The following FAM117B variants were observed in gnomAD, a reference collection of about 807,000 sequenced individuals.
FAM117B encodes the protein protein FAM117B.
In FAM117B, 22 loss-of-function variants were observed where a neutral mutation model predicts 52.8. The observed-to-expected ratio is 0.42, with a 90% CI of 0.30 to 0.59. FAM117B has a LOEUF of 0.59. FAM117B is among the 20% of genes least tolerant of loss of function. FAM117B has a pLI of 0.22. For missense variants in FAM117B, 678 were observed against 802.6 expected (o/e 0.84, Z 1.88); for synonymous variants, 309 against 324.1 (o/e 0.95, Z 0.50).
In FAM117B at chr2:202,695,819, T is replaced by G. The variant is rs1350537256; in HGVS notation, c.602-62T>G. On this transcript the variant is annotated intron_variant, in intron 1 of 7. Coordinates refer to ENST00000392238, the MANE Select transcript of FAM117B (RefSeq NM_173511.4). ...GAGAACTTTCTACATAGTTTAAAACTTAGTTTCTGCTTTGTTTCTTTCCTA... is the reference window on the plus strand; with the variant it reads ...GAGAACTTTCTACATAGTTTAAAACGTAGTTTCTGCTTTGTTTCTTTCCTA... 8 of 1,506,984 alleles carry G rather than the reference T, an allele frequency of 5.3e-6. No individual in the cohort carries two copies. In the East Asian group the frequency reaches 1.7e-4, roughly 32 times the overall value. The allele number at this position is 1,506,984 out of a possible 1,614,324, so 93.4% of individuals were successfully genotyped here. A position where few individuals can be genotyped will look rare whatever the true frequency, so the allele number is the denominator to read the frequency against.
chr2:202,671,045 TTC>T (rs1162590985), intron 1 of FAM117B, among the ~76,000 whole-genome samples: 3 of 152,228 alleles, frequency 2.0e-5, no homozygotes, highest in African/African-American at 7.2e-5. Context: ...AATTGTGATC[TTC>T]AGTTTCATAT....
At chr2:202,685,117 G>A (rs1209901075) in intron 1 of FAM117B, among the ~76,000 whole-genome samples, 4 of 151,906 alleles carry the variant, frequency 2.6e-5, no homozygotes, top group African/African-American at 9.7e-5. Context: ...CGAGTAGCTG[G>A]GATTACAGGT....
At chr2:202,642,610 G>A (rs1048576557) in intron 1 of FAM117B, among the ~76,000 whole-genome samples, 6 of 152,054 alleles carry the variant, frequency 3.9e-5, no homozygotes, top group Admixed American at 1.3e-4. Context: ...GGATGTATTT[G>A]GTTTGTGCTC....
At chr2:202,658,105 A>C (rs1286107041) in intron 1 of FAM117B, among the ~76,000 whole-genome samples, 2 of 152,156 alleles carry the variant, frequency 1.3e-5, no homozygotes, top group Admixed American at 6.6e-5. Context: ...TTCAACAGTC[A>C]TACCTATTTT....
At chr2:202,701,888 T>C (rs916126048) in intron 2 of FAM117B, among the ~76,000 whole-genome samples, 7 of 152,324 alleles carry the variant, frequency 4.6e-5, no homozygotes, top group Admixed American at 4.6e-4. Flanking sequence ...ATGTGGTGAA[T>C]ATTGTTGAAA....
chr2:202,707,320 G>T (rs1690886814), intron 2 of FAM117B, among the ~76,000 whole-genome samples: 1 of 152,000 alleles, frequency 6.6e-6, no homozygotes, highest in African/African-American at 2.4e-5. Context: ...AAAGTGTTGG[G>T]ATTACAGGTG....
At chr2:202,667,099 A>G (rs1412816505) in intron 1 of FAM117B, among the ~76,000 whole-genome samples, 1 of 151,746 alleles carries the variant, frequency 6.6e-6, no homozygotes, top group Non-Finnish European at 1.5e-5. Context: ...GAGTTACTTT[A>G]GTAAATTTTT....
At chr2:202,712,039 A>T (rs1423495399) in intron 2 of FAM117B, among the ~76,000 whole-genome samples, 1 of 151,890 alleles carries the variant, frequency 6.6e-6, no homozygotes, top group African/African-American at 2.4e-5. Context: ...TCTTTTGTGG[A>T]TCCTTATAAA....
At chr2:202,683,255 G>A (rs1690490443) in intron 1 of FAM117B, among the ~76,000 whole-genome samples, 1 of 150,800 alleles carries the variant, frequency 6.6e-6, no homozygotes, top group Non-Finnish European at 1.5e-5. Flanking sequence ...TTGAACCCTG[G>A]GAGGCGGAGG....
intron 2 of FAM117B, among the ~76,000 whole-genome samples, chr2:202,715,474 G>A (rs1187271682): frequency 2.2e-5 from 3 of 139,494 alleles, no homozygotes; most frequent in South Asian, 2.2e-4. Context: ...CGCTCCTCAC[G>A]TCCCAGACAG....
chr2:202,759,379 CA>C, intron 7 of FAM117B, 26 bp downstream of exon 7: 4 of 1,584,336 alleles, frequency 2.5e-6, no homozygotes, highest in Non-Finnish European at 2.6e-6. Context: ...ACCATCCCCA[CA>C]AAAAAACTAT....
At chr2:202,748,649 G>A (rs1191180703) in intron 4 of FAM117B, among the ~76,000 whole-genome samples, 2 of 152,000 alleles carry the variant, frequency 1.3e-5, no homozygotes, top group African/African-American at 4.8e-5. Context: ...CAGATTAAAT[G>A]TCTGACTAGA....
At chr2:202,665,717 C>T (rs1333045781) in intron 1 of FAM117B, among the ~76,000 whole-genome samples, 1 of 152,206 alleles carries the variant, frequency 6.6e-6, no homozygotes, top group Non-Finnish European at 1.5e-5. Flanking sequence ...TCTCCTGCCT[C>T]AGCCTCCTGA....
At chr2:202,740,525 A>T (rs1056562786) in intron 4 of FAM117B, among the ~76,000 whole-genome samples, 7 of 152,162 alleles carry the variant, frequency 4.6e-5, no homozygotes, top group Non-Finnish European at 1.0e-4. Flanking sequence ...TTTATAGTTT[A>T]TGGAGCAAAA....
At chr2:202,754,660 G>T (rs1200521766) in intron 4 of FAM117B, among the ~76,000 whole-genome samples, 1 of 151,888 alleles carries the variant, frequency 6.6e-6, no homozygotes, top group Non-Finnish European at 1.5e-5. Flanking sequence ...AGGCTGACAT[G>T]GGCGGATCAC....
Position 202,765,801 on chromosome 2 carries a change from G to T in FAM117B, c.*37G>T, listed in dbSNP as rs764725217. On this transcript the variant is annotated 3_prime_UTR_variant, in exon 8 of 8. Coordinates refer to ENST00000392238, the MANE Select transcript of FAM117B (RefSeq NM_173511.4). Reference sequence around the variant, plus strand: ...ACGTGGCTGTTGTTCTGGGAAATTGGGAACCTCCTCAGATCACTGGATTCT... The same window carrying T: ...ACGTGGCTGTTGTTCTGGGAAATTGTGAACCTCCTCAGATCACTGGATTCT... 1 of 1,592,874 alleles carries T rather than the reference G, an allele frequency of 6.3e-7. No homozygotes were observed. The highest frequency in any genetic ancestry group is 8.6e-7 in the Non-Finnish European group (1 of 1,167,132).
intron 1 of FAM117B, among the ~76,000 whole-genome samples, chr2:202,680,634 CAAAA>C (rs957725764): frequency 6.6e-6 from 1 of 150,840 alleles, no homozygotes; most frequent in African/African-American, 2.4e-5. Flanking sequence ...GAGAAACAGC[CAAAA>C]AAAAGGGCAA....
intron 7 of FAM117B, among the ~76,000 whole-genome samples, 169 bp downstream of exon 7, chr2:202,759,522 G>C (rs1463886677): frequency 1.3e-5 from 2 of 151,050 alleles, no homozygotes; most frequent in Non-Finnish European, 2.9e-5. Flanking sequence ...CTCCCAAGTA[G>C]CTGGGAATAC....
intron 1 of FAM117B, among the ~76,000 whole-genome samples, chr2:202,688,562 G>A (rs928492785): frequency 6.6e-6 from 1 of 151,912 alleles, no homozygotes; most frequent in Non-Finnish European, 1.5e-5. Flanking sequence ...CAGAAGAAAA[G>A]ATCTCTAAGA....
Sources: gnomAD v4.1 joint callset for allele counts (sites outside exome capture counted in the v4.1 genomes callset) on GRCh38, gnomAD v4.1.1 for gene constraint, MANE v1.5 for transcripts, NCBI Gene and HGNC (gene_info 2026-07-23, HGNC 2026-07-21) for gene names.